NRXN3: variants seen among roughly 807,000 people sequenced by gnomAD.
The protein encoded by NRXN3 is neurexin 3.
Under a neutral mutation model 137.6 loss-of-function variants are expected in NRXN3, and 32 were observed. The ratio of observed to expected loss-of-function variants is 0.23; its 90% CI spans 0.18 to 0.31. The LOEUF (loss-of-function observed/expected upper bound fraction) is 0.31, where lower values mean the gene tolerates loss of function less well. NRXN3 is among the 10% of genes least tolerant of loss of function. The pLI, the probability that NRXN3 is intolerant of heterozygous loss-of-function variation, is 1.00. For missense variants in NRXN3, 1,574 were observed against 2,062.5 expected, an observed-to-expected ratio of 0.76 and a Z score of 4.59; for synonymous variants, 798 against 784.5, an observed-to-expected ratio of 1.02 and a Z score of -0.29.
intron 4 of NRXN3, among the ~76,000 whole-genome samples, chr14:78,417,466 C>T (rs2093204849): frequency 6.6e-6 from 1 of 152,150 alleles, no homozygotes; most frequent in African/African-American, 2.4e-5. Context: ...TCTCTCCCCT[C>T]ATCATTTCAC....
chr14:78,676,529 A>T (rs1317064896), intron 6 of NRXN3, among the ~76,000 whole-genome samples: 1 of 152,172 alleles, frequency 6.6e-6, no homozygotes, highest in East Asian at 1.9e-4. Context: ...GTTTGAAATT[A>T]GTAAAGGTTA....
intron 6 of NRXN3, among the ~76,000 whole-genome samples, chr14:78,669,266 G>GGTA (rs60048949): frequency 0.011 from 1,723 of 151,476 alleles, 28 homozygotes; most frequent in African/African-American, 0.037. Flanking sequence ...TGGCGGTAAT[G>GGTA]GTAGTAGTAG....
intron 6 of NRXN3, among the ~76,000 whole-genome samples, chr14:78,653,966 C>A (rs943855743): frequency 2.0e-5 from 3 of 152,174 alleles, no homozygotes; most frequent in African/African-American, 7.2e-5. Flanking sequence ...AAATGATAGG[C>A]AAAGCTAGAA....
Position 79,697,823 on chromosome 14 carries a change from G to T in NRXN3, c.3900G>T (p.Leu1300Phe). 6.2e-7 allele frequency: 1 copy of T among 1,613,202 alleles called. No homozygotes were observed. Among genetic ancestry groups the T allele is most frequent in the South Asian group, 1.1e-5 (1 of 91,070 alleles). ...TGGTTGGAGAAGTCCCATCAATTTTGGGAACAACACAGACGACCTCCATGC... is the reference window on the plus strand; with the variant it reads ...TGGTTGGAGAAGTCCCATCAATTTTTGGAACAACACAGACGACCTCCATGC... ...VRLVGEVPSI[L>F]GTTQTTSMPP... is the part of the protein sequence containing the mutation. Residue 1300 changes from leucine to phenylalanine, a missense_variant, in exon 19 of 21, where the codon TTG becomes TTT. Transcript: ENST00000335750.
At chr14:78,811,631 T>G (rs1376627295) in intron 10 of NRXN3, among the ~76,000 whole-genome samples, 1 of 152,232 alleles carries the variant, frequency 6.6e-6, no homozygotes, top group Non-Finnish European at 1.5e-5. Flanking sequence ...CTTTTACATT[T>G]GGTTTACTTG....
At chr14:78,316,719 A>G (rs2078747591) in intron 4 of NRXN3, among the ~76,000 whole-genome samples, 1 of 152,160 alleles carries the variant, frequency 6.6e-6, no homozygotes, top group Non-Finnish European at 1.5e-5. Context: ...TTAAACAACA[A>G]AGGGCATTTA....
chr14:78,959,662 G>T (rs1486808238), intron 11 of NRXN3, among the ~76,000 whole-genome samples: 1 of 152,138 alleles, frequency 6.6e-6, no homozygotes, highest in African/African-American at 2.4e-5. Context: ...TACGTGCCTG[G>T]AGCATAAATT....
At chr14:78,806,107 C>T (rs1297827818) in intron 9 of NRXN3, among the ~76,000 whole-genome samples, 1 of 148,336 alleles carries the variant, frequency 6.7e-6, no homozygotes, top group African/African-American at 2.5e-5. Context: ...GCTCCTGCTG[C>T]GTTGAACCAT....
intron 5 of NRXN3, among the ~76,000 whole-genome samples, chr14:78,647,425 C>G (rs1224448769): frequency 6.6e-6 from 1 of 152,198 alleles, no homozygotes; most frequent in African/African-American, 2.4e-5. Context: ...GCTAAATATG[C>G]AAAGCACCTT....
At chr14:78,479,623 G>A (rs575184526) in intron 4 of NRXN3, among the ~76,000 whole-genome samples, 2 of 152,330 alleles carry the variant, frequency 1.3e-5, no homozygotes, top group South Asian at 4.1e-4. Flanking sequence ...CCAGGAATTT[G>A]CAATTTTAAA....
intron 15 of NRXN3, among the ~76,000 whole-genome samples, chr14:79,164,367 A>T (rs1233056109): frequency 6.6e-6 from 1 of 152,012 alleles, no homozygotes; most frequent in Non-Finnish European, 1.5e-5. Flanking sequence ...AGTGACATTT[A>T]TGCTTACATA....
intron 16 of NRXN3, among the ~76,000 whole-genome samples, chr14:79,612,383 G>A (rs2098113793): frequency 6.6e-6 from 1 of 152,136 alleles, no homozygotes; most frequent in Non-Finnish European, 1.5e-5. Flanking sequence ...CTGCTCCAGG[G>A]ACATCTCCTT....
chr14:78,379,943 G>C (rs1367075642), intron 4 of NRXN3, among the ~76,000 whole-genome samples: 1 of 152,138 alleles, frequency 6.6e-6, no homozygotes, highest in East Asian at 1.9e-4. Context: ...CTATGTATTA[G>C]TAGTGAACCA....
intron 15 of NRXN3, among the ~76,000 whole-genome samples, chr14:79,258,352 G>A (rs779352189): frequency 1.1e-4 from 17 of 151,856 alleles, no homozygotes; most frequent in Non-Finnish European, 1.8e-4. Flanking sequence ...TTACAGGTGC[G>A]CACCACCACA....
chr14:79,379,530 C>T (rs1241220071), intron 15 of NRXN3, among the ~76,000 whole-genome samples: 1 of 152,112 alleles, frequency 6.6e-6, no homozygotes, highest in Admixed American at 6.5e-5. Context: ...TGGACACTCT[C>T]GCTTGTATCT....
intron 10 of NRXN3, among the ~76,000 whole-genome samples, chr14:78,890,084 T>A (rs1308071323): frequency 1.3e-5 from 2 of 151,726 alleles, no homozygotes; most frequent in East Asian, 3.9e-4. Context: ...TCAGAAGGAG[T>A]GTGACCCTGT....
At chr14:79,137,639 C>T (rs983091791) in intron 15 of NRXN3, among the ~76,000 whole-genome samples, 3 of 152,126 alleles carry the variant, frequency 2.0e-5, no homozygotes, top group African/African-American at 7.2e-5. Context: ...TTCTCTTGTT[C>T]TTCTACAAAT....
intron 4 of NRXN3, among the ~76,000 whole-genome samples, chr14:78,342,715 G>A (rs1234225699): frequency 6.6e-6 from 1 of 152,148 alleles, no homozygotes; most frequent in Non-Finnish European, 1.5e-5. Context: ...TGTGTCTACA[G>A]CACCAAAGCC....
chr14:79,304,081 C>T (rs184513937), intron 15 of NRXN3, among the ~76,000 whole-genome samples: 7 of 152,170 alleles, frequency 4.6e-5, no homozygotes, highest in East Asian at 1.9e-4. Flanking sequence ...GCAAGGGAAA[C>T]GTGCTAGCTG....
Sources: gnomAD v4.1 joint callset for allele counts (sites outside exome capture counted in the v4.1 genomes callset) on GRCh38, gnomAD v4.1.1 for gene constraint, MANE v1.5 for transcripts, NCBI Gene and HGNC (gene_info 2026-07-23, HGNC 2026-07-21) for gene names.